The following SUGCT variants were observed in gnomAD, a reference collection of about 807,000 sequenced individuals.
SUGCT encodes the protein succinyl-CoA:glutarate-CoA transferase.
SUGCT carries 41 observed loss-of-function variants against 55.0 expected under a neutral mutation model. The observed-to-expected ratio is 0.74, with a 90% CI of 0.58 to 0.97. SUGCT has a LOEUF of 0.97. Ranked by LOEUF, SUGCT falls within the 50% of genes least tolerant of loss-of-function variation. The pLI is 0.00. For missense variants in SUGCT, 568 were observed against 547.8 expected, an observed-to-expected ratio of 1.04 and a Z score of -0.37; for synonymous variants, 187 against 200.4, an observed-to-expected ratio of 0.93 and a Z score of 0.56.
Position 40,195,681 on chromosome 7 carries a change from T to C in SUGCT, c.484+621T>C, listed in dbSNP as rs368821869. On this transcript the variant is annotated intron_variant, in intron 6 of 13. Transcript: ENST00000335693. Reference sequence around the variant, plus strand: ...CAAAATACTGTTATTAACTCTTGCATAGGTGAATTTACAGTTGAAAACAAT... The same window carrying C: ...CAAAATACTGTTATTAACTCTTGCACAGGTGAATTTACAGTTGAAAACAAT... Among the ~76,000 whole-genome samples the C allele has an allele frequency of 6.1e-4, 92 of 150,974 alleles. 2 individuals are homozygous for C. In the South Asian group the frequency reaches 0.017, roughly 28 times the overall value.
At chr7:40,819,933 G>C (rs1350469265) in intron 13 of SUGCT, among the ~76,000 whole-genome samples, 1 of 152,128 alleles carries the variant, frequency 6.6e-6, no homozygotes, top group Admixed American at 6.6e-5. Flanking sequence ...ATTAATTTTT[G>C]TATAAGGTGT....
chr7:40,977,735 T>G, the SUGCT span, among the ~76,000 whole-genome samples: 1 of 152,198 alleles, frequency 6.6e-6, no homozygotes, highest in African/African-American at 2.4e-5. Flanking sequence ...TTGTCTTGTT[T>G]CTCTGGTTCC....
intron 12 of SUGCT, among the ~76,000 whole-genome samples, chr7:40,526,531 T>A (rs1381189030): frequency 1.3e-5 from 2 of 152,322 alleles, no homozygotes; most frequent in Middle Eastern, 3.4e-3. Flanking sequence ...TTGGTCTTGG[T>A]TGGGGCTTGA....
rs1554405074 is a variant in SUGCT at position 40,707,249 on chromosome 7, T to TTTA, written c.1090-42185_1090-42184insTTA. On this transcript the variant is annotated intron_variant, in intron 12 of 13. Coordinates refer to ENST00000335693, the MANE Select transcript of SUGCT (RefSeq NM_001193313.2). ...AAAATCTACTTTTTTTTTTTTTTTT[T>TTTA]AAAAAGGCAGAACTGTTTGGGCAAA... 2.0e-4 allele frequency among the ~76,000 whole-genome samples: 30 copies of TTTA among 150,302 alleles called. 1 individual carries two copies. The highest frequency in any genetic ancestry group is 5.4e-4 in the African/African-American group (22 of 40,786).
At chr7:40,386,871 G>A (rs1785155774) in intron 9 of SUGCT, among the ~76,000 whole-genome samples, 1 of 152,144 alleles carries the variant, frequency 6.6e-6, no homozygotes, top group Non-Finnish European at 1.5e-5. Context: ...ACTTGTAGGT[G>A]CCACAGACCA....
intron 6 of SUGCT, among the ~76,000 whole-genome samples, chr7:40,203,940 GT>G (rs1786777844): frequency 6.6e-6 from 1 of 151,852 alleles, no homozygotes; most frequent in Non-Finnish European, 1.5e-5. Flanking sequence ...CAATTGAAAG[GT>G]GATATTGAAT....
At chr7:40,762,964 C>G (rs1251438927) in intron 13 of SUGCT, among the ~76,000 whole-genome samples, 1 of 151,982 alleles carries the variant, frequency 6.6e-6, no homozygotes, top group Non-Finnish European at 1.5e-5. Context: ...AGGTGCCCAC[C>G]GTCATGCCCA....
At position 40,472,195 on chromosome 7, in the gene SUGCT, C is replaced by T. The variant is rs75952296; in HGVS notation, c.986+12997C>T. Among the ~76,000 whole-genome samples, 91 of 152,120 alleles carry T rather than the reference C, an allele frequency of 6.0e-4. No individual in the cohort carries two copies. The East Asian group carries it at 0.013, about 22-fold the overall frequency. On this transcript the variant is annotated intron_variant, in intron 11 of 13. Transcript: ENST00000335693. ...TGAAATATTCATTCTTGGAGTCCTA[C>T]GTAAATGTCTTTAGAGGAATCAAGA... is the stretch of plus-strand genomic sequence containing the variant.
rs771747785 is a variant in SUGCT, at chr7:40,181,947, C to A, written c.153-8C>A. On this transcript the variant is annotated splice_region_variant and splice_polypyrimidine_tract_variant and intron_variant, in intron 2 of 13. Transcript: ENST00000335693. ...TAATTAATTTATTTATCATTTTTAA[C>A]ATTGTAGAGTCCTGGCGGGACCTTT... 4.6e-6 allele frequency: 7 copies of A among 1,536,410 alleles called. No homozygotes were observed. The highest frequency in any genetic ancestry group is 1.2e-5 in the South Asian group (1 of 82,686).
chr7:40,842,423 C>A (rs749890465), intron 13 of SUGCT, among the ~76,000 whole-genome samples: 1 of 152,060 alleles, frequency 6.6e-6, no homozygotes, highest in Non-Finnish European at 1.5e-5. Flanking sequence ...TGGAGTCTTA[C>A]CTATTACTGT....
chr7:40,647,262 A>G (rs1448444823), intron 12 of SUGCT, among the ~76,000 whole-genome samples: 1 of 152,174 alleles, frequency 6.6e-6, no homozygotes, highest in Non-Finnish European at 1.5e-5. Context: ...GGTAGGGGAG[A>G]GACAAACACA....
the SUGCT span, among the ~76,000 whole-genome samples, chr7:40,890,137 G>A: frequency 6.7e-6 from 1 of 150,342 alleles, no homozygotes; most frequent in Non-Finnish European, 1.5e-5. Context: ...GTGAGCAACT[G>A]AGAGGTAAGC....
chr7:40,921,247 A>C, the SUGCT span, among the ~76,000 whole-genome samples: 1 of 152,128 alleles, frequency 6.6e-6, no homozygotes, highest in East Asian at 1.9e-4. Flanking sequence ...ATTTTTTTAC[A>C]AAATAATATA....
chr7:40,316,834 TG>T lies in SUGCT; in HGVS notation c.797del (p.Gly266AlafsTer17). The T allele has an allele frequency of 6.3e-7, 1 of 1,593,552 alleles. No homozygotes were observed. Among genetic ancestry groups the T allele is most frequent in the Middle Eastern group, 1.7e-4 (1 of 6,038 alleles). On this transcript the variant is annotated frameshift_variant, in exon 9 of 14. Coordinates refer to ENST00000335693, the MANE Select transcript of SUGCT (RefSeq NM_001193313.2). LOFTEE classifies it high-confidence loss of function. ...AAGCAAAACGTTGGGGTACAGCTCA[TG>T]GCAGTATCGTTCCTTACCAGGTAAG... ...KEAKRWGTAH[G>X]SIVPYQAFKT...
Position 40,463,560 on chromosome 7 carries a change from A to G in SUGCT, c.986+4362A>G, listed in dbSNP as rs1424873818. 3.9e-5 allele frequency among the ~76,000 whole-genome samples: 6 copies of G among 152,218 alleles called. No individual in the cohort carries two copies. The East Asian group carries it at 1.2e-3, about 29-fold the overall frequency. On this transcript the variant is annotated intron_variant, in intron 11 of 13. Transcript: ENST00000335693. The stretch of plus-strand genomic sequence containing the variant: ...GAAGTACCTACCAGAGTTGTCAGTC[A>G]CTTACCTCAGTTCTCTGTTATTCTT...
chr7:40,585,351 G>A (rs550434718), intron 12 of SUGCT, among the ~76,000 whole-genome samples: 3 of 152,230 alleles, frequency 2.0e-5, no homozygotes, highest in African/African-American at 2.4e-5. Context: ...GTCAGGTTTC[G>A]TTGTTGTCGT....
intron 9 of SUGCT, among the ~76,000 whole-genome samples, chr7:40,367,737 C>T (rs192468713): frequency 8.5e-4 from 130 of 152,226 alleles, no homozygotes; most frequent in African/African-American, 2.9e-3. Context: ...CTCTGCTGCC[C>T]GACCGTGGTC....
At chr7:40,453,799 G>A (rs993630825) in intron 10 of SUGCT, among the ~76,000 whole-genome samples, 3 of 152,298 alleles carry the variant, frequency 2.0e-5, no homozygotes, top group African/African-American at 7.2e-5. Context: ...TGAAGAACCA[G>A]AACTTGCATG....
At chr7:40,565,571 G>A (rs1796083965) in intron 12 of SUGCT, among the ~76,000 whole-genome samples, 1 of 152,034 alleles carries the variant, frequency 6.6e-6, no homozygotes, top group Non-Finnish European at 1.5e-5. Context: ...CCTATTCATT[G>A]GACCACCCTA....
Sources: gnomAD v4.1 joint callset for allele counts (sites outside exome capture counted in the v4.1 genomes callset) on GRCh38, gnomAD v4.1.1 for gene constraint, MANE v1.5 for transcripts, NCBI Gene and HGNC (gene_info 2026-07-23, HGNC 2026-07-21) for gene names.